CDH12: variants seen among roughly 807,000 people sequenced by gnomAD.
CDH12 encodes the protein cadherin 12.
CDH12 carries 41 observed loss-of-function variants against 74.1 expected under a neutral mutation model. The ratio of observed to expected loss-of-function variants is 0.55; its 90% CI spans 0.43 to 0.72. The LOEUF is 0.72. CDH12 is among the 30% of genes least tolerant of loss of function. The pLI, the probability that CDH12 is intolerant of heterozygous loss-of-function variation, is 0.00. For synonymous variants in CDH12, 399 were observed against 355.0 expected (o/e 1.12, Z -1.39); for missense variants, 945 against 977.2 (o/e 0.97, Z 0.44).
Position 22,791,044 on chromosome 5 carries a change from C to A in CDH12, c.-523+62014G>T. On this transcript the variant is annotated intron_variant, in intron 1 of 14. Coordinates refer to ENST00000382254, the MANE Select transcript of CDH12 (RefSeq NM_004061.5). ...CCAGTTAGGCCCAAGATTATACAGG[C>A]TGATGGCTGTATGTCTGAATTAATT... Among the ~76,000 whole-genome samples, 2 of 152,130 alleles carry A rather than the reference C, an allele frequency of 1.3e-5. 1 individual carries two copies. The highest frequency in any genetic ancestry group is 3.8e-4 in the East Asian group (2 of 5,198).
intron 1 of CDH12, among the ~76,000 whole-genome samples, chr5:22,525,487 A>C (rs1737227547): frequency 6.6e-6 from 1 of 151,244 alleles, no homozygotes; most frequent in South Asian, 2.1e-4. Context: ...AGAGAGAGAG[A>C]AAGAGAGAGA....
chr5:22,742,778 A>T lies in CDH12; in HGVS notation c.-523+110280T>A, dbSNP rs555044930. 2.0e-5 allele frequency among the ~76,000 whole-genome samples: 3 copies of T among 150,896 alleles called. 1 individual carries two copies. The highest frequency in any genetic ancestry group is 1.3e-4 in the Admixed American group (2 of 15,080). On this transcript the variant is annotated intron_variant, in intron 1 of 14. Transcript: ENST00000382254. Reference sequence around the variant, plus strand: ...TAATTTCAAATAGATATAAACACATATATATATTCATATACACAGGTATAT... The same window carrying T: ...TAATTTCAAATAGATATAAACACATTTATATATTCATATACACAGGTATAT...
intron 2 of CDH12, among the ~76,000 whole-genome samples, chr5:22,434,282 T>C (rs1248612688): frequency 2.0e-5 from 3 of 152,134 alleles, no homozygotes; most frequent in Non-Finnish European, 2.9e-5. Context: ...CAAATCATTA[T>C]AGTTTGGGTG....
chr5:22,570,343 C>T (rs1739483326), intron 1 of CDH12, among the ~76,000 whole-genome samples: 1 of 152,034 alleles, frequency 6.6e-6, no homozygotes, highest in African/African-American at 2.4e-5. Context: ...GCCACTGTGC[C>T]CGGCCATGAA....
intron 5 of CDH12, among the ~76,000 whole-genome samples, chr5:22,001,381 C>G (rs1163357028): frequency 6.6e-6 from 1 of 152,118 alleles, no homozygotes; most frequent in East Asian, 1.9e-4. Flanking sequence ...AATTAAAATG[C>G]TCACTCCTCC....
At chr5:22,717,325 T>A (rs1437563904) in intron 1 of CDH12, among the ~76,000 whole-genome samples, 1 of 152,220 alleles carries the variant, frequency 6.6e-6, no homozygotes, top group East Asian at 1.9e-4. Context: ...TGTGTTACAG[T>A]TGCCTGCAGT....
At chr5:22,832,519 G>A (rs1016201047) in intron 1 of CDH12, among the ~76,000 whole-genome samples, 8 of 152,102 alleles carry the variant, frequency 5.3e-5, no homozygotes, top group Non-Finnish European at 7.4e-5. Flanking sequence ...GGTGAGATAC[G>A]CAGAGAGGTC....
At chr5:22,146,352 A>G (rs1483691796) in intron 4 of CDH12, among the ~76,000 whole-genome samples, 1 of 152,116 alleles carries the variant, frequency 6.6e-6, no homozygotes, top group Non-Finnish European at 1.5e-5. Flanking sequence ...CATTTTTGTT[A>G]TAGATATTTT....
chr5:21,787,540 A>G (rs1746263761), intron 10 of CDH12, among the ~76,000 whole-genome samples: 1 of 152,164 alleles, frequency 6.6e-6, no homozygotes, highest in African/African-American at 2.4e-5. Flanking sequence ...GCAAACGAAA[A>G]AACTGTTTGA....
chr5:22,780,944 A>C (rs1348743445), intron 1 of CDH12, among the ~76,000 whole-genome samples: 1 of 152,170 alleles, frequency 6.6e-6, no homozygotes, highest in African/African-American at 2.4e-5. Context: ...TTACTGACAC[A>C]ATAGGAGTAC....
Position 21,778,617 on chromosome 5 carries a change from A to C in CDH12, c.1393+4741T>G, listed in dbSNP as rs1388508646. The stretch of plus-strand genomic sequence containing the variant: ...CTGAAGTTTATATGACAGTTCACTT[A>C]AATCTAATTTCCCTGGAATTCAGCA... On this transcript the variant is annotated intron_variant, in intron 11 of 14. Transcript: ENST00000382254. Among the ~76,000 whole-genome samples the C allele has an allele frequency of 2.0e-5, 3 of 150,998 alleles. No individual in the cohort carries two copies. The East Asian group carries it at 5.9e-4, about 30-fold the overall frequency.
At position 22,081,254 on chromosome 5, in the gene CDH12, A is replaced by T. The variant is rs76875939; in HGVS notation, c.-186-2392T>A. Among the ~76,000 whole-genome samples, 708 of 152,314 alleles carry T rather than the reference A, an allele frequency of 4.6e-3. 2 individuals carry two copies. The highest frequency in any genetic ancestry group is 7.6e-3 in the Non-Finnish European group (519 of 68,020). ...TAACATTCAAAGTAAAATATCTAAC[A>T]TGAACTCCATCACGTTTGCGGTAAA... On this transcript the variant is annotated intron_variant, in intron 4 of 14. Coordinates refer to ENST00000382254, the MANE Select transcript of CDH12 (RefSeq NM_004061.5).
chr5:22,087,474 T>C (rs1302704153), intron 4 of CDH12, among the ~76,000 whole-genome samples: 1 of 151,950 alleles, frequency 6.6e-6, no homozygotes, highest in African/African-American at 2.4e-5. Context: ...ACCCTGTCTC[T>C]ACTAAAAAAT....
intron 1 of CDH12, among the ~76,000 whole-genome samples, chr5:22,660,212 T>C (rs905821099): frequency 6.6e-6 from 1 of 152,180 alleles, no homozygotes; most frequent in Non-Finnish European, 1.5e-5. Flanking sequence ...AACACACATA[T>C]GCTAGAAACC....
intron 3 of CDH12, among the ~76,000 whole-genome samples, chr5:22,260,929 A>G (rs1290295821): frequency 6.6e-6 from 1 of 151,984 alleles, no homozygotes; most frequent in Admixed American, 6.6e-5. Context: ...CGATAATAGT[A>G]ACACAATAAA....
intron 2 of CDH12, among the ~76,000 whole-genome samples, chr5:22,456,107 TTATA>T (rs36020133): frequency 0.41 from 59,815 of 146,784 alleles, 12,483 homozygotes; most frequent in South Asian, 0.43. Flanking sequence ...CATGTGGATA[TTATA>T]TATATATATA....
chr5:21,778,711 A>G (rs1745741923), intron 11 of CDH12, among the ~76,000 whole-genome samples: 1 of 152,066 alleles, frequency 6.6e-6, no homozygotes, highest in Non-Finnish European at 1.5e-5. Flanking sequence ...CTAAATTGTA[A>G]TGCCCTTAAG....
At chr5:21,872,675 A>C (rs1371570888) in intron 6 of CDH12, among the ~76,000 whole-genome samples, 1 of 152,172 alleles carries the variant, frequency 6.6e-6, no homozygotes, top group Non-Finnish European at 1.5e-5. Flanking sequence ...TATTTGGCCA[A>C]GGTGTTAAGG....
intron 4 of CDH12, among the ~76,000 whole-genome samples, chr5:22,123,728 T>A (rs1259565815): frequency 2.0e-5 from 3 of 152,310 alleles, no homozygotes; most frequent in South Asian, 2.1e-4. Flanking sequence ...ATACAGTTAA[T>A]CCTCATAACA....
Sources: allele counts gnomAD v4.1 joint callset (sites outside exome capture counted in the v4.1 genomes callset), GRCh38; gene constraint gnomAD v4.1.1; transcripts MANE v1.5; gene names NCBI Gene and HGNC (gene_info 2026-07-23, HGNC 2026-07-21).